The following HRH1 variants were observed in gnomAD, a reference collection of about 807,000 sequenced individuals.
HRH1 encodes histamine H1 receptor.
HRH1 carries 6 observed loss-of-function variants against 10.3 expected under a neutral mutation model. That is an observed-to-expected ratio of 0.58 (90% CI 0.32 to 1.15). The LOEUF (loss-of-function observed/expected upper bound fraction) is 1.15, where lower values mean the gene tolerates loss of function less well. HRH1 is among the 50% of genes most tolerant of loss of function. The pLI is 0.05. For missense variants in HRH1, 514 were observed against 615.3 expected (o/e 0.84, Z 1.74); for synonymous variants, 242 against 236.7 (o/e 1.02, Z -0.21).
At chr3:11,160,753 A>G (rs1375897226) in intron 1 of HRH1, among the ~76,000 whole-genome samples, 1 of 152,194 alleles carries the variant, frequency 6.6e-6, no homozygotes, top group East Asian at 1.9e-4. Context: ...CTGGAAACCC[A>G]GTCATTGACA....
At chr3:11,169,179 C>T (rs1046360460) in intron 1 of HRH1, among the ~76,000 whole-genome samples, 8 of 152,178 alleles carry the variant, frequency 5.3e-5, no homozygotes, top group African/African-American at 1.7e-4. Context: ...GCCTCAGTCT[C>T]CTCCTCTGTG....
intron 1 of HRH1, among the ~76,000 whole-genome samples, chr3:11,212,643 C>T (rs1938364968): frequency 6.6e-6 from 1 of 152,192 alleles, no homozygotes; most frequent in Non-Finnish European, 1.5e-5. Flanking sequence ...TGTTTCTAGA[C>T]TCTCTGGGCC....
chr3:11,207,608 G>A (rs1055618188), intron 1 of HRH1, among the ~76,000 whole-genome samples: 2 of 152,082 alleles, frequency 1.3e-5, no homozygotes, highest in African/African-American at 2.4e-5. Flanking sequence ...ACTGGAGCGT[G>A]AGGTCCTTCG....
chr3:11,215,471 C>T (rs1015372723), intron 1 of HRH1, among the ~76,000 whole-genome samples: 1 of 152,074 alleles, frequency 6.6e-6, no homozygotes, highest in Non-Finnish European at 1.5e-5. Flanking sequence ...GATAGAGTCT[C>T]GCTCTATCGC....
intron 1 of HRH1, among the ~76,000 whole-genome samples, chr3:11,225,517 C>T (rs1367912137): frequency 6.6e-6 from 1 of 152,170 alleles, no homozygotes; most frequent in Non-Finnish European, 1.5e-5. Flanking sequence ...TTGGAGCACT[C>T]AGTGACGGGA....
At chr3:11,207,401 T>TA (rs562806437) in intron 1 of HRH1, among the ~76,000 whole-genome samples, 80 of 148,540 alleles carry the variant, frequency 5.4e-4, no homozygotes, top group Admixed American at 1.9e-3. Context: ...CGTCTCTACT[T>TA]AAAAAAAAAA....
At chr3:11,193,880 T>C (rs1937594261) in intron 1 of HRH1, among the ~76,000 whole-genome samples, 1 of 152,198 alleles carries the variant, frequency 6.6e-6, no homozygotes, top group South Asian at 2.1e-4. Context: ...TATTCAGACC[T>C]TAAGCAGCTG....
At chr3:11,177,061 C>A (rs1937262134) in intron 1 of HRH1, among the ~76,000 whole-genome samples, 1 of 151,620 alleles carries the variant, frequency 6.6e-6, no homozygotes, top group Non-Finnish European at 1.5e-5. Context: ...CCACTGCACT[C>A]CAGCCTGAAT....
rs1269997941 is a variant in HRH1 at position 11,259,199 on chromosome 3, T to A, written c.162T>A (p.Ser54Arg). ...TGCTGGTGCTGTATGCCGTACGGAG[T>A]GAGCGGAAGCTCCACACTGTGGGGA... Reference protein sequence around the residue: ...LNLLVLYAVRSERKLHTVGNL... With the variant: ...LNLLVLYAVRRERKLHTVGNL... The change falls in exon 2 of 2, where the codon AGT becomes AGA. Residue 54 changes from serine (S) to arginine (R), a missense_variant. By Grantham distance (110) the Ser-to-Arg change is moderately radical. Coordinates refer to ENST00000431010, the MANE Select transcript of HRH1 (RefSeq NM_001098212.2). This position sits in a 1 kb window ranked among gnomAD's most constrained non-coding sequence, Gnocchi z 4.6. 3.7e-6 allele frequency: 6 copies of A among 1,613,188 alleles called. No individual in the cohort carries two copies. The highest frequency in any genetic ancestry group is 1.3e-5 in the African/African-American group (1 of 74,636).
chr3:11,173,685 T>C (rs189467800), intron 1 of HRH1, among the ~76,000 whole-genome samples: 1 of 152,346 alleles, frequency 6.6e-6, no homozygotes. Context: ...CAGTAAAATC[T>C]GCTTGACTTA....
rs139887048 is a variant in HRH1 at position 11,189,510 on chromosome 3, G to A, written c.-36+34956G>A. 5.1e-4 allele frequency among the ~76,000 whole-genome samples: 78 copies of A among 152,212 alleles called. 1 individual carries two copies. The highest frequency in any genetic ancestry group is 4.6e-3 in the East Asian group (24 of 5,188). ...GGCATCTGTGGATGTAACAAGTTTCGCAATTCTCTAGGGACCCCTCTGGTC... is the reference window on the plus strand; with the variant it reads ...GGCATCTGTGGATGTAACAAGTTTCACAATTCTCTAGGGACCCCTCTGGTC... On this transcript the variant is annotated intron_variant, in intron 1 of 1. Transcript: ENST00000431010.
chr3:11,262,375 C>T lies in HRH1; in HGVS notation c.*1874C>T, dbSNP rs1394654315. The T allele has an allele frequency of 6.0e-6, 1 of 167,082 alleles. No individual in the cohort carries two copies. Among genetic ancestry groups the T allele is most frequent in the African/African-American group, 2.4e-5 (1 of 41,468 alleles). The allele number at this position is 167,082 out of a possible 1,614,324, so 10.3% of individuals were successfully genotyped here. On this transcript the variant is annotated 3_prime_UTR_variant, in exon 2 of 2. Coordinates refer to ENST00000431010, the MANE Select transcript of HRH1 (RefSeq NM_001098212.2). The stretch of plus-strand genomic sequence containing the variant: ...TTTGAAATGTACCATCAAATGTTAA[C>T]AGAGTTTGATATGGGCTTTCTCTTT...
rs2152582566 is a variant in HRH1 at position 11,244,769 on chromosome 3, T to G, written c.-35-14234T>G. 1.3e-5 allele frequency among the ~76,000 whole-genome samples: 2 copies of G among 152,328 alleles called. 1 individual carries two copies. The highest frequency in any genetic ancestry group is 4.8e-5 in the African/African-American group (2 of 41,568). ...GTTGCATTGTTGGATAACATCTTTT[T>G]TAGAAAGTTCTGCCTTACTTCGAGC... On this transcript the variant is annotated intron_variant, in intron 1 of 1. Coordinates refer to ENST00000431010, the MANE Select transcript of HRH1 (RefSeq NM_001098212.2).
At chr3:11,169,007 C>T (rs546030832) in intron 1 of HRH1, among the ~76,000 whole-genome samples, 1 of 152,228 alleles carries the variant, frequency 6.6e-6, no homozygotes, top group Admixed American at 6.5e-5. Context: ...CACAGGCCTG[C>T]AGCAAGGAGC....
intron 1 of HRH1, among the ~76,000 whole-genome samples, chr3:11,225,717 G>A (rs111549512): frequency 0.017 from 2,590 of 152,274 alleles, 77 homozygotes; most frequent in African/African-American, 0.059. Context: ...ACGGAGTCTC[G>A]CTCTGTCGCC....
intron 1 of HRH1, among the ~76,000 whole-genome samples, chr3:11,234,067 C>A (rs2125045218): frequency 6.6e-6 from 1 of 152,244 alleles, no homozygotes; most frequent in South Asian, 2.1e-4. Flanking sequence ...CACATACATA[C>A]AACTCCCATT....
chr3:11,244,046 G>A (rs983743948), intron 1 of HRH1, among the ~76,000 whole-genome samples: 1 of 152,178 alleles, frequency 6.6e-6, no homozygotes, highest in African/African-American at 2.4e-5. Flanking sequence ...TGAAATAGAC[G>A]TGAGGTCCAG....
In HRH1 at chr3:11,157,620, C is replaced by G. The variant is rs1045717601; in HGVS notation, c.-36+3066C>G. Among the ~76,000 whole-genome samples the G allele has an allele frequency of 2.6e-5, 4 of 152,300 alleles. No homozygotes were observed. The South Asian group carries it at 8.3e-4, about 32-fold the overall frequency. On this transcript the variant is annotated intron_variant, in intron 1 of 1. Transcript: ENST00000431010. ...GCTGCTGATGCTGTCGGAGGGGGGG[C>G]CAGGATGCCTTGCCTCTTTTATGCA...
intron 1 of HRH1, among the ~76,000 whole-genome samples, chr3:11,142,647 G>A (rs6787030): frequency 0.047 from 7,120 of 152,274 alleles, 553 homozygotes; most frequent in African/African-American, 0.16. Flanking sequence ...AGGCACAGTG[G>A]CTCACGCCTG....
Sources: gnomAD v4.1 joint callset for allele counts (sites outside exome capture counted in the v4.1 genomes callset) on GRCh38, gnomAD v4.1.1 for gene constraint, Gnocchi (gnomAD v3.1) non-coding constraint, MANE v1.5 for transcripts, NCBI Gene and HGNC (gene_info 2026-07-23, HGNC 2026-07-21) for gene names.